The following ANO6 variants were observed in gnomAD, a reference collection of about 807,000 sequenced individuals.
ANO6 encodes anoctamin 6, also known as anoctamin-6.
A neutral mutation model predicts 117.5 loss-of-function variants in ANO6; 106 were observed. That is an observed-to-expected ratio of 0.90 (90% CI 0.77 to 1.06). The LOEUF (loss-of-function observed/expected upper bound fraction) is 1.06, where lower values mean the gene tolerates loss of function less well. Among genes scored for constraint, ANO6 ranks in the 50% least tolerant of loss-of-function variants. The probability of loss-of-function intolerance (pLI) is 0.00; values close to 1 mark genes in which losing one functional copy is unlikely to be tolerated. For missense variants in ANO6, 955 were observed against 1,121.1 expected (o/e 0.85, Z 2.12); for synonymous variants, 367 against 385.1 (o/e 0.95, Z 0.55).
intron 19 of ANO6, among the ~76,000 whole-genome samples, chr12:45,437,735 A>G (rs933242074): frequency 3.9e-5 from 6 of 151,924 alleles, no homozygotes; most frequent in Non-Finnish European, 8.8e-5. Flanking sequence ...CGCCCAGCTA[A>G]TTTTTTGTAT....
rs142154835 is a variant in ANO6 at position 45,427,552 on chromosome 12, C to A, written c.2527-1553C>A. Among the ~76,000 whole-genome samples, 194 of 152,258 alleles carry A rather than the reference C, an allele frequency of 1.3e-3. 2 individuals are homozygous for A. The highest frequency in any genetic ancestry group is 4.3e-3 in the African/African-American group (179 of 41,560). ...TACAGAAGAATCTCTTCAAAGTACT[C>A]ATCACTTTTTAACACCATGAATAAT... On this transcript the variant is annotated intron_variant, in intron 19 of 19. Coordinates refer to ENST00000320560, the MANE Select transcript of ANO6 (RefSeq NM_001025356.3).
At chr12:45,437,119 G>A (rs1337968166), downstream of ANO6, among the ~76,000 whole-genome samples, 1 of 152,232 alleles carries the variant, frequency 6.6e-6, no homozygotes, top group East Asian at 1.9e-4. Flanking sequence ...TTCTAGAACA[G>A]TGTTCTCAAA....
chr12:45,374,948 GA>G (rs1941961676), intron 9 of ANO6, among the ~76,000 whole-genome samples: 1 of 151,692 alleles, frequency 6.6e-6, no homozygotes. Flanking sequence ...TGTATATCTA[GA>G]AAACCCCATT....
Position 45,409,427 on chromosome 12 carries a change from C to G in ANO6, c.1951C>G (p.Gln651Glu). Residue 651 changes from glutamine to glutamate, a missense_variant, in exon 16 of 20, where the codon CAG becomes GAG. Physicochemically the swap from Gln to Glu is conservative, Grantham distance 29. Transcript: ENST00000320560. ...AGAAAAGATAACCCCACGATGGGAA[C>G]AGGACTACCATCTGCAGCCTATGGG... Reference protein sequence around the residue: ...GSEKITPRWEQDYHLQPMGKL... With the variant: ...GSEKITPRWEEDYHLQPMGKL... 2 of 1,613,968 alleles carry G rather than the reference C, an allele frequency of 1.2e-6. No individual in the cohort carries two copies. The highest frequency in any genetic ancestry group is 1.7e-6 in the Non-Finnish European group (2 of 1,179,894).
At chr12:45,275,455 G>A (rs1312559240) in intron 1 of ANO6, among the ~76,000 whole-genome samples, 2 of 152,104 alleles carry the variant, frequency 1.3e-5, no homozygotes, top group Non-Finnish European at 2.9e-5. Flanking sequence ...TGATCCACAC[G>A]CCTCGACCTC....
At chr12:45,384,154 T>G (rs777642580) in intron 10 of ANO6, among the ~76,000 whole-genome samples, 1 of 152,232 alleles carries the variant, frequency 6.6e-6, no homozygotes, top group Non-Finnish European at 1.5e-5. Context: ...CTCTGCTAGC[T>G]TCAAACTTTT....
intron 1 of ANO6, among the ~76,000 whole-genome samples, chr12:45,279,373 C>A (rs922889144): frequency 1.1e-4 from 17 of 152,302 alleles, no homozygotes; most frequent in African/African-American, 3.8e-4. Flanking sequence ...AATGTCTCCC[C>A]AAATTGTGTT....
At chr12:45,249,654 G>C (rs1372596182) in intron 1 of ANO6, among the ~76,000 whole-genome samples, 1 of 152,154 alleles carries the variant, frequency 6.6e-6, no homozygotes, top group Non-Finnish European at 1.5e-5. Flanking sequence ...TCAGATAGTA[G>C]AGCTGATTTT....
rs1196872489 is a variant in ANO6 at position 45,331,345 on chromosome 12, A to T, written c.201A>T (p.Arg67=). Residue 67 remains arginine (R), a synonymous_variant, in exon 3 of 20, where the codon CGA becomes CGT. Coordinates refer to ENST00000320560, the MANE Select transcript of ANO6 (RefSeq NM_001025356.3). ...PDSLFFNDGQ[R]RIDFVLVYED... ...CCCTCTTTTTTAATGATGGCCAGCG[A>T]AGAATTGACTTTGTTCTAGTATATG... The T allele has an allele frequency of 1.2e-6, 2 of 1,610,468 alleles. No homozygotes were observed. The highest frequency in any genetic ancestry group is 3.3e-5 in the Admixed American group (2 of 59,756).
chr12:45,411,537 A>G (rs1943085934), intron 16 of ANO6, among the ~76,000 whole-genome samples: 1 of 152,296 alleles, frequency 6.6e-6, no homozygotes, highest in Non-Finnish European at 1.5e-5. Flanking sequence ...TTTCCCTAGA[A>G]ATAAACATTG....
At chr12:45,428,235 T>C (rs1943552165) in intron 19 of ANO6, among the ~76,000 whole-genome samples, 1 of 152,206 alleles carries the variant, frequency 6.6e-6, no homozygotes, top group Non-Finnish European at 1.5e-5. Context: ...AAATAAATTA[T>C]AGTGTAGTCA....
intron 1 of ANO6, among the ~76,000 whole-genome samples, chr12:45,247,329 A>G (rs1947840885): frequency 6.6e-6 from 1 of 152,228 alleles, no homozygotes. Flanking sequence ...ACATATATTA[A>G]GTGCCAGGCA....
chr12:45,221,690 T>TCTGC (rs1334807136), intron 1 of ANO6, among the ~76,000 whole-genome samples: 69 of 152,144 alleles, frequency 4.5e-4, no homozygotes, highest in Admixed American at 4.4e-3. Context: ...GGTCATGGAA[T>TCTGC]AGAGAAGAAT....
At chr12:45,439,439 C>A (rs1240444406) in intron 19 of ANO6, among the ~76,000 whole-genome samples, 1 of 152,136 alleles carries the variant, frequency 6.6e-6, no homozygotes, top group Non-Finnish European at 1.5e-5. Context: ...CAAACCTAAG[C>A]AGGAGGCAAA....
At chr12:45,391,125 A>T (rs1346302859) in intron 12 of ANO6, among the ~76,000 whole-genome samples, 6 of 152,300 alleles carry the variant, frequency 3.9e-5, no homozygotes, top group East Asian at 3.9e-4. Flanking sequence ...TCTCAAAAAA[A>T]AAATAAATAA....
intron 1 of ANO6, among the ~76,000 whole-genome samples, chr12:45,236,405 T>G (rs1332289529): frequency 6.6e-6 from 1 of 152,104 alleles, no homozygotes; most frequent in Non-Finnish European, 1.5e-5. Context: ...TAATAGGCCC[T>G]GGTGTGTGCT....
chr12:45,435,110 ACT>A (rs368858566), downstream of ANO6, among the ~76,000 whole-genome samples: 155 of 152,080 alleles, frequency 1.0e-3, no homozygotes, highest in African/African-American at 3.6e-3. Flanking sequence ...TGATTATGGC[ACT>A]CTCTATTATA....
intron 10 of ANO6, among the ~76,000 whole-genome samples, chr12:45,378,643 T>C (rs1005603664): frequency 6.6e-6 from 1 of 152,212 alleles, no homozygotes; most frequent in African/African-American, 2.4e-5. Context: ...GTAAGTCATA[T>C]GGCCAAACCA....
At chr12:45,390,854 G>A (rs542334987) in intron 12 of ANO6, among the ~76,000 whole-genome samples, 1 of 152,274 alleles carries the variant, frequency 6.6e-6, no homozygotes, top group South Asian at 2.1e-4. Flanking sequence ...AGGGGCGGTG[G>A]CTCATGCCTA....
Sources: gnomAD v4.1 joint callset for allele counts (sites outside exome capture counted in the v4.1 genomes callset) on GRCh38, gnomAD v4.1.1 for gene constraint, MANE v1.5 for transcripts, NCBI Gene and HGNC (gene_info 2026-07-23, HGNC 2026-07-21) for gene names.